Variants in CSMD1 observed in about 807,000 individuals in gnomAD.
CSMD1 encodes CUB and Sushi multiple domains 1.
In CSMD1, 213 loss-of-function variants were observed where a neutral mutation model predicts 417.5. The ratio of observed to expected loss-of-function variants is 0.51; its 90% CI spans 0.46 to 0.57. CSMD1 has a LOEUF of 0.57. Among genes scored for constraint, CSMD1 ranks in the 20% least tolerant of loss-of-function variants. CSMD1 has a pLI of 0.00. For missense variants in CSMD1, 6,923 were observed against 4,529.7 expected, an observed-to-expected ratio of 1.53 and a Z score of -15.17; for synonymous variants, 2,862 against 1,736.8, an observed-to-expected ratio of 1.65 and a Z score of -16.11.
intron 3 of CSMD1, among the ~76,000 whole-genome samples, chr8:4,372,255 T>A (rs114283145): frequency 6.6e-6 from 1 of 152,178 alleles, no homozygotes; most frequent in Admixed American, 6.5e-5. Flanking sequence ...TAAAGATACA[T>A]AACGTCGGCT....
chr8:4,207,405 A>T (rs62501365), intron 3 of CSMD1, among the ~76,000 whole-genome samples: 16,706 of 152,184 alleles, frequency 0.11, 1,294 homozygotes, highest in African/African-American at 0.21. Context: ...TTTAATAAGC[A>T]AATCATATTT....
intron 3 of CSMD1, among the ~76,000 whole-genome samples, chr8:4,146,760 C>A (rs887724499): frequency 2.0e-5 from 3 of 149,322 alleles, no homozygotes; most frequent in South Asian, 2.1e-4. Flanking sequence ...TACAGGCGCC[C>A]GGCACCAGAC....
intron 1 of CSMD1, among the ~76,000 whole-genome samples, chr8:4,920,851 GAAAAGAAAAGAA>G (rs1806391605): frequency 0.047 from 2,879 of 61,876 alleles, 657 homozygotes; most frequent in Non-Finnish European, 0.057. Context: ...CGAAAGAAAA[GAAAAGAAAAGAA>G]AAGAAAAGAA....
chr8:4,302,484 T>C (rs185581878), intron 3 of CSMD1, among the ~76,000 whole-genome samples: 5 of 152,254 alleles, frequency 3.3e-5, no homozygotes, highest in Admixed American at 2.0e-4. Flanking sequence ...TCTGTGAAAA[T>C]GTAAGCTACT....
At chr8:3,666,962 G>A (rs562613465) in intron 7 of CSMD1, among the ~76,000 whole-genome samples, 34 of 152,266 alleles carry the variant, frequency 2.2e-4, no homozygotes, top group Middle Eastern at 3.4e-3. Context: ...AAGCATTGCA[G>A]TCTAATTGTA....
chr8:4,834,378 G>A (rs1253188148), intron 1 of CSMD1, among the ~76,000 whole-genome samples: 1 of 152,130 alleles, frequency 6.6e-6, no homozygotes, highest in East Asian at 1.9e-4. Flanking sequence ...TACGTTAGGA[G>A]AGATATAAGC....
At chr8:4,446,831 C>A (rs1171747944) in intron 2 of CSMD1, among the ~76,000 whole-genome samples, 2 of 149,728 alleles carry the variant, frequency 1.3e-5, no homozygotes, top group Non-Finnish European at 3.0e-5. Flanking sequence ...CCATCTTGGC[C>A]AGACTGGTCT....
In CSMD1 at chr8:4,628,893, T is replaced by C. The variant is rs1473015806; in HGVS notation, c.302+8449A>G. The stretch of plus-strand genomic sequence containing the variant: ...TTTATTATGAGTTTTTACACGCCTT[T>C]TATTAAAAGAGAATAAAACCTTGGA... On this transcript the variant is annotated intron_variant, in intron 2 of 69. Coordinates refer to ENST00000635120, the MANE Select transcript of CSMD1 (RefSeq NM_033225.6). 2.0e-5 allele frequency among the ~76,000 whole-genome samples: 3 copies of C among 152,278 alleles called. No individual in the cohort carries two copies. The East Asian group carries it at 5.8e-4, about 29-fold the overall frequency.
intron 2 of CSMD1, among the ~76,000 whole-genome samples, chr8:4,487,694 A>G (rs1017316593): frequency 6.6e-6 from 1 of 152,212 alleles, no homozygotes; most frequent in Non-Finnish European, 1.5e-5. Context: ...GTCCATTTAA[A>G]AAATTTTGCC....
At chr8:3,304,384 A>C (rs1192329255) in intron 25 of CSMD1, among the ~76,000 whole-genome samples, 1 of 152,154 alleles carries the variant, frequency 6.6e-6, no homozygotes, top group African/African-American at 2.4e-5. Flanking sequence ...GTACAATTTT[A>C]AGTACATGAT....
chr8:3,329,910 A>C (rs1196982050), intron 23 of CSMD1, among the ~76,000 whole-genome samples: 1 of 152,238 alleles, frequency 6.6e-6, no homozygotes, highest in Non-Finnish European at 1.5e-5. Context: ...TCCTTAAATC[A>C]GAAGAAAAAA....
chr8:3,986,581 T>A (rs1056685433), intron 5 of CSMD1, among the ~76,000 whole-genome samples: 25 of 152,146 alleles, frequency 1.6e-4, no homozygotes, highest in African/African-American at 5.8e-4. Context: ...TTCAACTTTC[T>A]AATTATTTAT....
chr8:3,979,938 G>C (rs1404567870), intron 5 of CSMD1, among the ~76,000 whole-genome samples: 1 of 152,132 alleles, frequency 6.6e-6, no homozygotes, highest in East Asian at 1.9e-4. Context: ...TCAATAATAT[G>C]AACTATAGCT....
At chr8:4,442,711 T>C (rs1188654478) in intron 2 of CSMD1, among the ~76,000 whole-genome samples, 1 of 152,198 alleles carries the variant, frequency 6.6e-6, no homozygotes, top group African/African-American at 2.4e-5. Context: ...CCCCGAAATG[T>C]GTATTTGTTG....
intron 1 of CSMD1, among the ~76,000 whole-genome samples, chr8:4,899,993 G>C (rs757166390): frequency 2.6e-5 from 4 of 152,090 alleles, no homozygotes; most frequent in Non-Finnish European, 5.9e-5. Context: ...GTCTAAGTAG[G>C]ATGTCTGTTG....
intron 10 of CSMD1, among the ~76,000 whole-genome samples, chr8:3,555,437 G>A (rs550406062): frequency 2.0e-5 from 3 of 152,110 alleles, no homozygotes; most frequent in South Asian, 2.1e-4. Context: ...AGGGCTGGTG[G>A]GGTCAGGTGG....
At chr8:3,962,221 G>C (rs1812378075) in intron 5 of CSMD1, among the ~76,000 whole-genome samples, 1 of 152,256 alleles carries the variant, frequency 6.6e-6, no homozygotes, top group Admixed American at 6.5e-5. Context: ...TTTTGCACCT[G>C]TCAAGATTTT....
chr8:4,226,071 C>CGG (rs1801334002), intron 3 of CSMD1, among the ~76,000 whole-genome samples: 1 of 72,816 alleles, frequency 1.4e-5, no homozygotes, highest in Non-Finnish European at 2.7e-5. Context: ...CAGGCGGACA[C>CGG]ACACACACAC....
chr8:4,370,247 T>C (rs568504970), intron 3 of CSMD1, among the ~76,000 whole-genome samples: 1 of 151,996 alleles, frequency 6.6e-6, no homozygotes, highest in African/African-American at 2.4e-5. Flanking sequence ...AATTACTTTT[T>C]AAGGATATTC....
Sources: allele counts gnomAD v4.1 joint callset (sites outside exome capture counted in the v4.1 genomes callset), GRCh38; gene constraint gnomAD v4.1.1; transcripts MANE v1.5; gene names NCBI Gene and HGNC (gene_info 2026-07-23, HGNC 2026-07-21).